The following DGKB variants were observed in gnomAD, a reference collection of about 807,000 sequenced individuals.
The protein encoded by DGKB is 90 kDa diacylglycerol kinase.
DGKB carries 67 observed loss-of-function variants against 114.3 expected under a neutral mutation model. The ratio of observed to expected loss-of-function variants is 0.59; its 90% CI spans 0.48 to 0.72. The LOEUF (loss-of-function observed/expected upper bound fraction) is 0.72. Among genes scored for constraint, DGKB ranks in the 30% least tolerant of loss-of-function variants. DGKB has a pLI of 0.00. For synonymous variants in DGKB, 398 were observed against 323.1 expected (o/e 1.23, Z -2.49); for missense variants, 907 against 975.2 (o/e 0.93, Z 0.93).
intron 25 of DGKB, among the ~76,000 whole-genome samples, chr7:14,163,315 T>C (rs891801253): frequency 5.3e-4 from 81 of 152,198 alleles, no homozygotes; most frequent in African/African-American, 1.9e-3. Context: ...CCAGAAAGCA[T>C]ACAAGCAGTA....
chr7:14,357,581 A>G (rs1248231182), intron 21 of DGKB, among the ~76,000 whole-genome samples: 1 of 152,324 alleles, frequency 6.6e-6, no homozygotes, highest in African/African-American at 2.4e-5. Flanking sequence ...TAATTGGGGC[A>G]TTTAAACCAT....
intron 21 of DGKB, among the ~76,000 whole-genome samples, chr7:14,438,866 T>C (rs926087568): frequency 7.2e-5 from 11 of 151,856 alleles, no homozygotes; most frequent in African/African-American, 1.9e-4. Context: ...AAAATCAAAG[T>C]AATAAGGGGA....
intron 7 of DGKB, among the ~76,000 whole-genome samples, chr7:14,699,225 T>G (rs1824663675): frequency 6.6e-6 from 1 of 152,154 alleles, no homozygotes; most frequent in Non-Finnish European, 1.5e-5. Flanking sequence ...ATTAACAAAT[T>G]TTAAAACATA....
chr7:14,611,934 T>C (rs1044795114), intron 16 of DGKB, among the ~76,000 whole-genome samples: 3 of 151,686 alleles, frequency 2.0e-5, no homozygotes, highest in Non-Finnish European at 4.4e-5. Flanking sequence ...TCTTTTTTTG[T>C]TAAACTATCA....
chr7:14,289,632 A>T (rs1302881572), intron 23 of DGKB, among the ~76,000 whole-genome samples: 1 of 152,104 alleles, frequency 6.6e-6, no homozygotes, highest in Non-Finnish European at 1.5e-5. Flanking sequence ...ATAATAAAGA[A>T]GAATAATACT....
At position 14,450,600 on chromosome 7, in the gene DGKB, G is replaced by GA. The variant is rs539366641; in HGVS notation, c.1835+27560dup. Among the ~76,000 whole-genome samples, 584 of 151,940 alleles carry GA rather than the reference G, an allele frequency of 3.8e-3. 3 individuals carry two copies. The highest frequency in any genetic ancestry group is 5.7e-3 in the Non-Finnish European group (384 of 67,916). On this transcript the variant is annotated intron_variant, in intron 21 of 25. Coordinates refer to ENST00000402815, the MANE Select transcript of DGKB (RefSeq NM_001350709.2). ...TTCTTCAGGTCAACACCTAAGAGTA[G>GA]AAAAAAAATTCCTAAGTAAAATATG...
intron 16 of DGKB, among the ~76,000 whole-genome samples, chr7:14,608,214 T>G (rs1386186530): frequency 1.3e-5 from 2 of 151,860 alleles, no homozygotes; most frequent in Non-Finnish European, 2.9e-5. Context: ...AAGAGATAAA[T>G]AGTACATCAA....
intron 21 of DGKB, among the ~76,000 whole-genome samples, chr7:14,443,837 T>C (rs1830393048): frequency 6.6e-6 from 1 of 152,068 alleles, no homozygotes; most frequent in Non-Finnish European, 1.5e-5. Flanking sequence ...TCTTTGTAAA[T>C]TCAGCAACAT....
chr7:14,711,339 C>G (rs528669539), intron 6 of DGKB, among the ~76,000 whole-genome samples: 1 of 152,046 alleles, frequency 6.6e-6, no homozygotes, highest in East Asian at 1.9e-4. Context: ...ATTACCAAGT[C>G]AAGGTCAAGG....
At chr7:14,841,139 T>C (rs1847875280) in intron 2 of DGKB, 55 bp downstream of exon 2, 3 of 1,417,700 alleles carry the variant, frequency 2.1e-6, no homozygotes, top group African/African-American at 1.4e-5. Flanking sequence ...AAATAAATGA[T>C]ACTTTGTCTA....
chr7:14,964,854 T>C (rs1787060431), intron 1 of DGKB, among the ~76,000 whole-genome samples: 1 of 152,166 alleles, frequency 6.6e-6, no homozygotes, highest in African/African-American at 2.4e-5. Context: ...AGGGTTATAT[T>C]AGTTGCAAGT....
chr7:14,730,683 C>T (rs1359387238), intron 5 of DGKB, among the ~76,000 whole-genome samples: 1 of 152,150 alleles, frequency 6.6e-6, no homozygotes, highest in Non-Finnish European at 1.5e-5. Flanking sequence ...ACCTTCTTCA[C>T]TGTGACTCTG....
chr7:14,766,595 G>C (rs1181098982), intron 2 of DGKB, among the ~76,000 whole-genome samples: 2 of 151,848 alleles, frequency 1.3e-5, no homozygotes, highest in African/African-American at 4.8e-5. Flanking sequence ...GTAGCCATTA[G>C]GAAAGCAATT....
At chr7:14,680,522 G>C (rs1820642256) in intron 12 of DGKB, among the ~76,000 whole-genome samples, 1 of 151,942 alleles carries the variant, frequency 6.6e-6, no homozygotes, top group African/African-American at 2.4e-5. Context: ...GTAGGGCTAG[G>C]TGTGGATTCT....
chr7:14,326,701 T>C (rs1562942668), intron 23 of DGKB, among the ~76,000 whole-genome samples: 1 of 152,186 alleles, frequency 6.6e-6, no homozygotes, highest in African/African-American at 2.4e-5. Flanking sequence ...CCTTGTTTTG[T>C]TGTTTCCTAT....
intron 5 of DGKB, 61 bp downstream of exon 5, chr7:14,735,980 T>C (rs1831650166): frequency 1.0e-6 from 1 of 994,732 alleles, no homozygotes; most frequent in Non-Finnish European, 1.4e-6. Flanking sequence ...TTATGATAAC[T>C]AGATATTTAT....
intron 23 of DGKB, among the ~76,000 whole-genome samples, chr7:14,243,187 A>T (rs1793941246): frequency 6.6e-6 from 1 of 152,190 alleles, no homozygotes; most frequent in Admixed American, 6.5e-5. Context: ...TGAAGTGAAC[A>T]CTTGCTTATT....
chr7:14,923,983 C>CAAAAAAAAAAAAA (rs56032330), intron 1 of DGKB, among the ~76,000 whole-genome samples: 1,036 of 76,048 alleles, frequency 0.014, 105 homozygotes, highest in East Asian at 0.12. Context: ...AGCTCCATCT[C>CAAAAAAAAAAAAA]AAAAAAAAAA....
intron 1 of DGKB, among the ~76,000 whole-genome samples, chr7:14,885,409 T>C (rs1854884698): frequency 6.6e-6 from 1 of 151,696 alleles, no homozygotes; most frequent in Non-Finnish European, 1.5e-5. Context: ...AAGAAAAGGT[T>C]GGGAGAGAAA....
Sources: allele counts gnomAD v4.1 joint callset (sites outside exome capture counted in the v4.1 genomes callset), GRCh38; gene constraint gnomAD v4.1.1; transcripts MANE v1.5; gene names NCBI Gene and HGNC (gene_info 2026-07-23, HGNC 2026-07-21).